The following SDK1 variants were observed in gnomAD, a reference collection of about 807,000 sequenced individuals.
SDK1 encodes protein sidekick-1.
Under a neutral mutation model 245.5 loss-of-function variants are expected in SDK1, and 157 were observed. The ratio of observed to expected loss-of-function variants is 0.64; its 90% CI spans 0.56 to 0.73. The LOEUF (loss-of-function observed/expected upper bound fraction) is 0.73. Ranked by LOEUF, SDK1 falls within the 30% of genes least tolerant of loss-of-function variation. The pLI is 0.00. For synonymous variants in SDK1, 1,647 were observed against 1,278.5 expected (o/e 1.29, Z -6.15); for missense variants, 3,583 against 3,002.3 (o/e 1.19, Z -4.52).
chr7:3,729,838 G>A (rs917969830), intron 4 of SDK1, among the ~76,000 whole-genome samples: 3 of 151,242 alleles, frequency 2.0e-5, no homozygotes, highest in Admixed American at 6.6e-5. Context: ...GAAAATCCTC[G>A]GTTCTCGGCC....
At chr7:4,243,695 A>G (rs1347263413) in intron 43 of SDK1, among the ~76,000 whole-genome samples, 4 of 152,174 alleles carry the variant, frequency 2.6e-5, no homozygotes, top group African/African-American at 9.7e-5. Flanking sequence ...ACCTCCCACC[A>G]GGTCCCTCCC....
chr7:4,041,048 G>C (rs901647455), intron 17 of SDK1, among the ~76,000 whole-genome samples: 1 of 152,188 alleles, frequency 6.6e-6, no homozygotes, highest in Non-Finnish European at 1.5e-5. Flanking sequence ...CTCACTATCT[G>C]CCTAAATAAT....
At chr7:4,078,657 G>C (rs931515033) in intron 21 of SDK1, among the ~76,000 whole-genome samples, 2 of 151,990 alleles carry the variant, frequency 1.3e-5, no homozygotes, top group African/African-American at 4.8e-5. Context: ...TCTTTCTCTA[G>C]AGTATTTTGC....
intron 1 of SDK1, among the ~76,000 whole-genome samples, chr7:3,455,540 C>T (rs1259286366): frequency 6.6e-6 from 1 of 152,004 alleles, no homozygotes; most frequent in Non-Finnish European, 1.5e-5. Flanking sequence ...GTTGAAAAGA[C>T]CATTCTTGCC....
At chr7:4,214,838 C>T (rs933984561) in intron 38 of SDK1, among the ~76,000 whole-genome samples, 2 of 152,232 alleles carry the variant, frequency 1.3e-5, no homozygotes, top group African/African-American at 4.8e-5. Flanking sequence ...CATGGGGCCC[C>T]CGCCGGGGTC....
intron 34 of SDK1, among the ~76,000 whole-genome samples, chr7:4,177,059 A>C (rs665580): frequency 0.71 from 107,852 of 151,860 alleles, 38,587 homozygotes; most frequent in Admixed American, 0.77. Context: ...CCCCGAGCCT[A>C]TGTTGTGTTC....
intron 20 of SDK1, among the ~76,000 whole-genome samples, chr7:4,072,275 C>T (rs940902554): frequency 2.6e-5 from 4 of 152,208 alleles, no homozygotes; most frequent in African/African-American, 9.6e-5. Context: ...GCAGTGAGAG[C>T]ACCAGGCAGA....
At chr7:3,823,612 C>T (rs534725893) in intron 5 of SDK1, among the ~76,000 whole-genome samples, 6 of 152,158 alleles carry the variant, frequency 3.9e-5, no homozygotes, top group African/African-American at 7.2e-5. Flanking sequence ...CTACCCTGAC[C>T]GAAAAGTATA....
intron 14 of SDK1, among the ~76,000 whole-genome samples, chr7:3,991,252 G>T (rs1784291998): frequency 6.6e-6 from 1 of 152,150 alleles, no homozygotes; most frequent in African/African-American, 2.4e-5. Context: ...GGAAACAACT[G>T]CCCGTGAGAT....
chr7:4,017,930 A>T (rs1786547651), intron 17 of SDK1, among the ~76,000 whole-genome samples: 1 of 152,148 alleles, frequency 6.6e-6, no homozygotes, highest in South Asian at 2.1e-4. Context: ...ATCCGTGGTG[A>T]GATCCGGGTG....
intron 4 of SDK1, among the ~76,000 whole-genome samples, chr7:3,793,645 A>G (rs1778876194): frequency 6.6e-6 from 1 of 152,192 alleles, no homozygotes; most frequent in African/African-American, 2.4e-5. Flanking sequence ...TTGGGAAGCT[A>G]CAAACTGTAT....
At chr7:3,712,631 T>C (rs1785081001) in intron 4 of SDK1, among the ~76,000 whole-genome samples, 1 of 152,126 alleles carries the variant, frequency 6.6e-6, no homozygotes, top group Admixed American at 6.5e-5. Flanking sequence ...GTCATGTTGT[T>C]TTAAAGATGG....
At position 3,331,287 on chromosome 7, in the gene SDK1, C is replaced by T. The variant is rs545392460; in HGVS notation, c.298+29403C>T. ...GAAAAAAAGAAAACAAAAAACAAAA[C>T]ACCCAGTCTATGGTGTTCTGTTACA... On this transcript the variant is annotated intron_variant, in intron 1 of 44. Transcript: ENST00000404826. Among the ~76,000 whole-genome samples the T allele has an allele frequency of 2.0e-5, 3 of 152,136 alleles. No individual in the cohort carries two copies. In the South Asian group the frequency reaches 6.2e-4, roughly 32 times the overall value.
chr7:3,979,382 G>C (rs1204152631), intron 13 of SDK1, among the ~76,000 whole-genome samples: 1 of 152,090 alleles, frequency 6.6e-6, no homozygotes, highest in African/African-American at 2.4e-5. Context: ...GAACTTTCTA[G>C]CCCTTTACCC....
intron 4 of SDK1, among the ~76,000 whole-genome samples, chr7:3,671,007 A>G (rs1189214340): frequency 6.6e-6 from 1 of 152,178 alleles, no homozygotes. Context: ...GATTACAGTT[A>G]AAACAGTTCA....
intron 38 of SDK1, among the ~76,000 whole-genome samples, chr7:4,218,328 G>A (rs1784950142): frequency 6.6e-6 from 1 of 152,160 alleles, no homozygotes; most frequent in Non-Finnish European, 1.5e-5. Context: ...AGGAGGTGGA[G>A]GTTGCAGTGA....
intron 5 of SDK1, among the ~76,000 whole-genome samples, chr7:3,945,461 A>T (rs1276667733): frequency 6.6e-6 from 1 of 152,238 alleles, no homozygotes; most frequent in Non-Finnish European, 1.5e-5. Context: ...GAAAGTATTT[A>T]TACTCTCCGA....
chr7:3,787,846 G>C (rs2115019487), intron 4 of SDK1, among the ~76,000 whole-genome samples: 1 of 152,310 alleles, frequency 6.6e-6, no homozygotes, highest in African/African-American at 2.4e-5. Flanking sequence ...TTCAACATAA[G>C]ACGTGGTTTC....
At chr7:3,967,529 C>T in intron 10 of SDK1, 95 bp downstream of exon 10, 1 of 774,404 alleles carries the variant, frequency 1.3e-6, no homozygotes, top group Non-Finnish European at 2.3e-6. Context: ...TGTTTATTCA[C>T]TTATGCATTC....
Sources: allele counts gnomAD v4.1 joint callset (sites outside exome capture counted in the v4.1 genomes callset), GRCh38; gene constraint gnomAD v4.1.1; transcripts MANE v1.5; gene names NCBI Gene and HGNC (gene_info 2026-07-23, HGNC 2026-07-21).